SPPL2A: variants seen among roughly 807,000 people sequenced by gnomAD.
SPPL2A encodes signal peptide peptidase-like 2A.
SPPL2A carries 51 observed loss-of-function variants against 63.8 expected under a neutral mutation model. The observed-to-expected ratio is 0.80, with a 90% confidence interval of 0.64 to 1.01. The LOEUF (loss-of-function observed/expected upper bound fraction) is 1.01. Among genes scored for constraint, SPPL2A ranks in the 50% least tolerant of loss-of-function variants. SPPL2A has a pLI of 0.00. For missense variants in SPPL2A, 553 were observed against 622.7 expected (o/e 0.89, Z 1.19); for synonymous variants, 188 against 205.8 (o/e 0.91, Z 0.74).
At chr15:50,763,195 A>T (rs1246373960) in intron 1 of SPPL2A, among the ~76,000 whole-genome samples, 4 of 152,138 alleles carry the variant, frequency 2.6e-5, no homozygotes, top group Admixed American at 1.3e-4. Context: ...AGAAGACTTC[A>T]GACAGAGTTG....
intron 1 of SPPL2A, among the ~76,000 whole-genome samples, chr15:50,763,281 T>A (rs547129508): frequency 1.1e-4 from 16 of 151,988 alleles, no homozygotes; most frequent in Non-Finnish European, 2.2e-4. Context: ...ACCCAAGTTC[T>A]CAGAACACGA....
At chr15:50,714,499 C>T (rs958012135) in intron 14 of SPPL2A, among the ~76,000 whole-genome samples, 13 of 151,880 alleles carry the variant, frequency 8.6e-5, no homozygotes, top group Non-Finnish European at 1.5e-4. Flanking sequence ...GGCATGGTGG[C>T]GCATGCTTTT....
intron 12 of SPPL2A, among the ~76,000 whole-genome samples, chr15:50,724,881 C>A (rs897920159): frequency 2.6e-5 from 4 of 152,178 alleles, no homozygotes; most frequent in African/African-American, 9.7e-5. Context: ...TAACTATTAT[C>A]TTAAAATATA....
chr15:50,751,929 C>A (rs919573966), intron 1 of SPPL2A, among the ~76,000 whole-genome samples: 3 of 152,094 alleles, frequency 2.0e-5, no homozygotes, highest in African/African-American at 7.2e-5. Context: ...CCTCCGGGGT[C>A]AAGCAATTCT....
At chr15:50,715,267 G>A (rs2062592056) in intron 14 of SPPL2A, among the ~76,000 whole-genome samples, 1 of 152,054 alleles carries the variant, frequency 6.6e-6, no homozygotes, top group Non-Finnish European at 1.5e-5. Flanking sequence ...CAATGTGCTG[G>A]GATTACAGGT....
intron 10 of SPPL2A, among the ~76,000 whole-genome samples, chr15:50,730,451 T>C (rs1369613880): frequency 1.3e-5 from 2 of 152,062 alleles, no homozygotes; most frequent in Non-Finnish European, 2.9e-5. Flanking sequence ...AAGGCTTCGG[T>C]TGGGTTCTGT....
At position 50,706,492 on chromosome 15, in the gene SPPL2A, C is replaced by CAAGT. The variant is rs1377211363; in HGVS notation, c.*1304_*1307dup. 1 of 151,216 alleles carries CAAGT rather than the reference C, an allele frequency of 6.6e-6. No individual in the cohort carries two copies. The highest frequency in any genetic ancestry group is 1.9e-4 in the East Asian group (1 of 5,154). 9.4% of individuals were successfully genotyped at this position (151,216 alleles called of 1,614,324 possible). A position where few individuals can be genotyped will look rare whatever the true frequency, so the allele number is the denominator to read the frequency against. ...ATTGTAATTAAACTGAGACTAACAC[C>CAAGT]AAGTCTCTTGCTGTTGTTGCCAATT... On this transcript the variant is annotated 3_prime_UTR_variant, in exon 15 of 15. Transcript: ENST00000261854.
chr15:50,745,302 C>T (rs2062849452), intron 5 of SPPL2A, among the ~76,000 whole-genome samples: 1 of 152,022 alleles, frequency 6.6e-6, no homozygotes, highest in African/African-American at 2.4e-5. Flanking sequence ...AGGCGCACGC[C>T]ACCACACCTG....
intron 14 of SPPL2A, 95 bp downstream of exon 14, chr15:50,719,845 C>A (rs1025716910): frequency 1.2e-6 from 1 of 831,768 alleles, no homozygotes; most frequent in Admixed American, 2.5e-5. Context: ...CTTTTTGGTA[C>A]ATAAAAGCTT....
intron 11 of SPPL2A, chr15:50,726,087 C>A: frequency 6.7e-7 from 1 of 1,493,428 alleles, no homozygotes; most frequent in Non-Finnish European, 8.9e-7. Context: ...TCATGGGGAG[C>A]TGAGGGTTGA....
At chr15:50,730,813 GA>G in intron 10 of SPPL2A, 151 bp downstream of exon 10, 1 of 563,130 alleles carries the variant, frequency 1.8e-6, no homozygotes, top group Non-Finnish European at 3.2e-6. Flanking sequence ...TTAAAAGCTT[GA>G]AAGTTAAAAG....
chr15:50,726,420 G>T lies in SPPL2A; in HGVS notation c.1090-43C>A. 7.7e-6 allele frequency: 12 copies of T among 1,551,886 alleles called. No individual in the cohort carries two copies. In the Middle Eastern group the frequency reaches 2.0e-3, roughly 260 times the overall value. On this transcript the variant is annotated intron_variant, in intron 10 of 14. Coordinates refer to ENST00000261854, the MANE Select transcript of SPPL2A (RefSeq NM_032802.4). ...AAGAAGTTGTCTAATCATTTAAAGAGAACAATCTGCCACTATTCAAGTGTG... is the reference window on the plus strand; with the variant it reads ...AAGAAGTTGTCTAATCATTTAAAGATAACAATCTGCCACTATTCAAGTGTG...
At chr15:50,759,942 C>T (rs965256483) in intron 1 of SPPL2A, among the ~76,000 whole-genome samples, 11 of 151,906 alleles carry the variant, frequency 7.2e-5, no homozygotes, top group African/African-American at 2.7e-4. Context: ...GATATATAGC[C>T]ATTAGTGACT....
In SPPL2A at chr15:50,739,780, CTTT is replaced by C; in HGVS notation, c.630_632del (p.Lys212del). Reference sequence around the variant, plus strand: ...GACTAAAAGTTAAATATTCTTCCTTCTTTTTCCTCATTTCTCTATCTTCAGTTG... The same window carrying C: ...GACTAAAAGTTAAATATTCTTCCTTCTTCCTCATTTCTCTATCTTCAGTTG... On this transcript the variant is annotated inframe_deletion, in exon 6 of 15. Coordinates refer to ENST00000261854, the MANE Select transcript of SPPL2A (RefSeq NM_032802.4). The C allele has an allele frequency of 3.7e-6, 6 of 1,605,770 alleles. No homozygotes were observed. Among genetic ancestry groups the C allele is most frequent in the Non-Finnish European group, 5.1e-6 (6 of 1,177,256 alleles).
chr15:50,747,952 C>T, intron 4 of SPPL2A, 161 bp downstream of exon 4: 2 of 455,442 alleles, frequency 4.4e-6, no homozygotes, highest in Non-Finnish European at 7.8e-6. Flanking sequence ...ACACTTGGTG[C>T]CAAATGAGAG....
intron 10 of SPPL2A, among the ~76,000 whole-genome samples, chr15:50,730,534 G>A (rs932093517): frequency 2.6e-5 from 4 of 152,052 alleles, no homozygotes; most frequent in Admixed American, 6.6e-5. Flanking sequence ...CATTCAACGC[G>A]TTAGTAAATG....
chr15:50,729,396 C>G (rs553738287), intron 10 of SPPL2A, among the ~76,000 whole-genome samples: 2 of 152,068 alleles, frequency 1.3e-5, no homozygotes, highest in Admixed American at 6.5e-5. Flanking sequence ...TTGGTTAGGC[C>G]AGGCATATGC....
intron 5 of SPPL2A, among the ~76,000 whole-genome samples, chr15:50,741,192 T>C (rs12917408): frequency 0.29 from 43,589 of 152,008 alleles, 6,877 homozygotes; most frequent in East Asian, 0.55. Flanking sequence ...ATGCAACCTA[T>C]GACACATTAT....
intron 10 of SPPL2A, among the ~76,000 whole-genome samples, chr15:50,728,593 A>G (rs557372302): frequency 2.3e-4 from 34 of 150,630 alleles, no homozygotes; most frequent in African/African-American, 6.8e-4. Context: ...TGATCCGCCC[A>G]CCTTGGCCTC....
Sources: allele counts gnomAD v4.1 joint callset (sites outside exome capture counted in the v4.1 genomes callset), GRCh38; gene constraint gnomAD v4.1.1; transcripts MANE v1.5; gene names NCBI Gene and HGNC (gene_info 2026-07-23, HGNC 2026-07-21).